ZNF804B: variants seen among roughly 807,000 people sequenced by gnomAD.
ZNF804B encodes zinc finger 804B.
Under a neutral mutation model 101.4 loss-of-function variants are expected in ZNF804B, and 80 were observed. That is an observed-to-expected ratio of 0.79 (90% confidence interval 0.66 to 0.95). The LOEUF is 0.95. ZNF804B is among the 40% of genes least tolerant of loss of function. ZNF804B has a pLI of 0.00. For missense variants in ZNF804B, 1,673 were observed against 1,561.9 expected (o/e 1.07, Z -1.20); for synonymous variants, 622 against 558.8 (o/e 1.11, Z -1.59).
intron 1 of ZNF804B, among the ~76,000 whole-genome samples, chr7:88,833,611 C>G (rs549360798): frequency 6.6e-6 from 1 of 151,988 alleles, no homozygotes; most frequent in Admixed American, 6.6e-5. Flanking sequence ...ATTATTTCTG[C>G]TAATAATATA....
At chr7:88,760,886 TATATATATATAATAA>T (rs71846087) in intron 1 of ZNF804B, among the ~76,000 whole-genome samples, 10,294 of 122,332 alleles carry the variant, frequency 0.084, 526 homozygotes, top group East Asian at 0.2. Flanking sequence ...GTGTAATTTA[TATATATATATAATAA>T]ATATATATAT....
intron 1 of ZNF804B, among the ~76,000 whole-genome samples, chr7:89,205,004 G>C (rs994322427): frequency 6.6e-6 from 1 of 152,150 alleles, no homozygotes; most frequent in African/African-American, 2.4e-5. Flanking sequence ...CCACATGGCT[G>C]GGGAGACCTC....
chr7:89,171,138 G>A (rs192871198), intron 1 of ZNF804B, among the ~76,000 whole-genome samples: 1 of 152,274 alleles, frequency 6.6e-6, no homozygotes, highest in East Asian at 1.9e-4. Flanking sequence ...TTTATAACAT[G>A]TGGTTATGGT....
chr7:88,861,961 T>C (rs1288958556), intron 1 of ZNF804B, among the ~76,000 whole-genome samples: 2 of 152,092 alleles, frequency 1.3e-5, no homozygotes, highest in Non-Finnish European at 1.5e-5. Flanking sequence ...GTGTTGGGGC[T>C]GGGGGGACCC....
chr7:89,227,701 C>G (rs185231166), intron 2 of ZNF804B, among the ~76,000 whole-genome samples: 1 of 152,208 alleles, frequency 6.6e-6, no homozygotes, highest in Non-Finnish European at 1.5e-5. Context: ...AGAGCCATCT[C>G]TCTGAGAGAG....
intron 1 of ZNF804B, among the ~76,000 whole-genome samples, chr7:88,875,549 A>G (rs1791917745): frequency 6.6e-6 from 1 of 152,146 alleles, no homozygotes; most frequent in African/African-American, 2.4e-5. Flanking sequence ...CAAATAAACT[A>G]GAAAATCTAG....
chr7:89,337,033 T>C lies in ZNF804B; in HGVS notation c.*1T>C. ...AAATGTGTCCACACACTTGAACTAA[T>C]AAGTGTTAAAGCCCCTCCTGTGGAT... is the stretch of plus-strand genomic sequence containing the variant. On this transcript the variant is annotated 3_prime_UTR_variant, in exon 4 of 4. Transcript: ENST00000333190. 1 of 1,611,798 alleles carries C rather than the reference T, an allele frequency of 6.2e-7. No homozygotes were observed.
At chr7:88,853,722 C>G (rs1283133135) in intron 1 of ZNF804B, among the ~76,000 whole-genome samples, 5 of 151,954 alleles carry the variant, frequency 3.3e-5, no homozygotes, top group African/African-American at 1.2e-4. Flanking sequence ...CCAAGTTTCT[C>G]CAAATTTTAA....
chr7:89,027,433 A>G (rs569709340), intron 1 of ZNF804B, among the ~76,000 whole-genome samples: 1 of 152,198 alleles, frequency 6.6e-6, no homozygotes, highest in African/African-American at 2.4e-5. Context: ...GATGCAGTTG[A>G]GGTTGTGAGT....
chr7:88,948,901 G>T (rs1201574407), intron 1 of ZNF804B, among the ~76,000 whole-genome samples: 1 of 151,850 alleles, frequency 6.6e-6, no homozygotes, highest in Non-Finnish European at 1.5e-5. Context: ...GATCACAGAA[G>T]TTTTATCTTA....
At chr7:88,908,482 G>A (rs866018818) in intron 1 of ZNF804B, among the ~76,000 whole-genome samples, 4 of 151,714 alleles carry the variant, frequency 2.6e-5, no homozygotes, top group African/African-American at 7.3e-5. Context: ...ATGAATAAAC[G>A]TTGTTGAGAA....
chr7:88,764,232 A>G (rs1280835778), intron 1 of ZNF804B, among the ~76,000 whole-genome samples: 1 of 152,150 alleles, frequency 6.6e-6, no homozygotes, highest in Non-Finnish European at 1.5e-5. Context: ...TGGTAGATAT[A>G]TATTTTATCT....
intron 1 of ZNF804B, among the ~76,000 whole-genome samples, chr7:88,944,569 A>G (rs533893638): frequency 1.3e-5 from 2 of 151,888 alleles, no homozygotes; most frequent in South Asian, 2.1e-4. Context: ...AAATATTCAG[A>G]AAAAAACACT....
chr7:89,261,369 T>G (rs1288933338), intron 2 of ZNF804B, among the ~76,000 whole-genome samples: 2 of 152,168 alleles, frequency 1.3e-5, no homozygotes, highest in Non-Finnish European at 2.9e-5. Flanking sequence ...TTTTTGATAT[T>G]TTTTGACCTA....
chr7:88,886,117 T>G (rs1033175069), intron 1 of ZNF804B, among the ~76,000 whole-genome samples: 3 of 152,152 alleles, frequency 2.0e-5, no homozygotes, highest in Admixed American at 2.0e-4. Flanking sequence ...TTCAAAACAA[T>G]GGACCATATT....
At chr7:89,014,363 G>A (rs1357398859) in intron 1 of ZNF804B, among the ~76,000 whole-genome samples, 1 of 152,064 alleles carries the variant, frequency 6.6e-6, no homozygotes, top group Non-Finnish European at 1.5e-5. Flanking sequence ...CCAGGCTGGA[G>A]TGCAGTGGTG....
At position 89,334,947 on chromosome 7, in the gene ZNF804B, C is replaced by T. The variant is rs772510740; in HGVS notation, c.1965C>T (p.Asn655=). 6.2e-7 allele frequency: 1 copy of T among 1,613,948 alleles called. No individual in the cohort carries two copies. Among genetic ancestry groups the T allele is most frequent in the Non-Finnish European group, 8.5e-7 (1 of 1,179,908 alleles). Residue 655 remains asparagine, a synonymous_variant, in exon 4 of 4, where the codon AAC becomes AAT. Transcript: ENST00000333190. ...HLEFEDERQF[N]CKSSPCTVGG... ...AATTTGAAGATGAAAGACAATTCAA[C>T]TGCAAGTCCAGTCCTTGTACAGTAG...
At chr7:88,913,986 A>G (rs1280937100) in intron 1 of ZNF804B, among the ~76,000 whole-genome samples, 1 of 152,126 alleles carries the variant, frequency 6.6e-6, no homozygotes, top group Non-Finnish European at 1.5e-5. Context: ...TTTTCCAAAA[A>G]CGGAAACTGA....
chr7:88,844,952 G>A (rs1057326909), intron 1 of ZNF804B, among the ~76,000 whole-genome samples: 3 of 152,086 alleles, frequency 2.0e-5, no homozygotes, highest in African/African-American at 7.2e-5. Flanking sequence ...GTGGATCTGC[G>A]AGCTGGAAGT....
Sources: gnomAD v4.1 joint callset for allele counts (sites outside exome capture counted in the v4.1 genomes callset) on GRCh38, gnomAD v4.1.1 for gene constraint, MANE v1.5 for transcripts, NCBI Gene and HGNC (gene_info 2026-07-23, HGNC 2026-07-21) for gene names.